Variants in MATR3 observed in about 807,000 individuals in gnomAD.
The protein encoded by MATR3 is matrin 3.
In MATR3, 4 loss-of-function variants were observed where a neutral mutation model predicts 85.5. The observed-to-expected ratio is 0.05, with a 90% CI of 0.02 to 0.11. MATR3 has a LOEUF of 0.11. Ranked by LOEUF, MATR3 falls within the 10% of genes least tolerant of loss-of-function variation. The pLI is 1.00. For missense variants in MATR3, 685 were observed against 1,016.1 expected (o/e 0.67, Z 4.43); for synonymous variants, 336 against 343.1 (o/e 0.98, Z 0.23).
At chr5:139,291,919 C>T (rs1182453395), upstream of MATR3, 4 of 138,120 alleles carry the variant, frequency 2.9e-5, no homozygotes, top group African/African-American at 1.1e-4. Flanking sequence ...AGCTTTTTCA[C>T]TTTATTGAAT....
chr5:139,293,744 G>A lies in MATR3; in HGVS notation c.-239G>A, dbSNP rs1753972553. On this transcript the variant is annotated 5_prime_UTR_variant, in exon 1 of 15. Transcript: ENST00000394805. ...GCCGTTGCTGCGGGGGATTGTGGGA[G>A]TCTCCGCGTCCCGCTCGCTGGGAGA... 2 of 375,176 alleles carry A rather than the reference G, an allele frequency of 5.3e-6. No homozygotes were observed. Among genetic ancestry groups the A allele is most frequent in the South Asian group, 2.9e-4 (2 of 6,994 alleles). The allele number at this position is 375,176 out of a possible 1,614,324, so 23.2% of individuals were successfully genotyped here.
chr5:139,274,158 G>T (rs1300436232), exon 1 of MATR3: 2 of 426,750 alleles, frequency 4.7e-6, no homozygotes, highest in Non-Finnish European at 9.2e-6. Context: ...CCGAACACGT[G>T]CGCGTGAGTA....
At chr5:139,302,476 TGTA>T (rs200963020) in intron 1 of MATR3, among the ~76,000 whole-genome samples, 4,112 of 152,334 alleles carry the variant, frequency 0.027, 66 homozygotes, top group Non-Finnish European at 0.033. Flanking sequence ...AATGAAAACT[TGTA>T]GTACTTTTAA....
chr5:139,277,857 A>G (rs1272994570), intron 2 of MATR3, among the ~76,000 whole-genome samples: 1 of 151,702 alleles, frequency 6.6e-6, no homozygotes, highest in Non-Finnish European at 1.5e-5. Context: ...GAATGAGTAA[A>G]TCATGCTAGT....
rs756782987 is a variant in MATR3 at position 139,317,740 on chromosome 5, G to T, written c.1308+19G>T. 6.4e-7 allele frequency: 1 copy of T among 1,552,530 alleles called. No individual in the cohort carries two copies. The highest frequency in any genetic ancestry group is 1.1e-5 in the South Asian group (1 of 87,794). ...TAATGAGGTATGAATTGAAATATTG[G>T]TATTATTCATTTATTCATGCCACTA... On this transcript the variant is annotated intron_variant, in intron 7 of 14. Coordinates refer to ENST00000394805, the MANE Select transcript of MATR3 (RefSeq NM_018834.6).
chr5:139,318,982 A>G lies in MATR3; in HGVS notation c.1383A>G (p.Val461=), dbSNP rs1033614881. 4 of 1,614,106 alleles carry G rather than the reference A, an allele frequency of 2.5e-6. No individual in the cohort carries two copies. Among genetic ancestry groups the G allele is most frequent in the Non-Finnish European group, 1.7e-6 (2 of 1,179,904 alleles). ...ATTACACAACCACACCAGCGTTAGT[A>G]TTTGGCAAGCCAGTGAGAGTTCATT... ...VDYYTTTPAL[V]FGKPVRVHLS... Residue 461 remains valine, a synonymous_variant, in exon 8 of 15, where the codon GTA becomes GTG. Coordinates refer to ENST00000394805, the MANE Select transcript of MATR3 (RefSeq NM_018834.6).
chr5:139,311,872 A>G (rs1028908743), intron 2 of MATR3: 2 of 143,910 alleles, frequency 1.4e-5, no homozygotes, highest in African/African-American at 2.6e-5. Flanking sequence ...GGTTCAAGCA[A>G]TTCTCCTGCC....
Position 139,307,501 on chromosome 5 carries a change from T to TTGC in MATR3, c.94_96dup (p.Ala32dup), listed in dbSNP as rs771230747. On this transcript the variant is annotated inframe_insertion, in exon 2 of 15. Coordinates refer to ENST00000394805, the MANE Select transcript of MATR3 (RefSeq NM_018834.6). The surrounding 1 kb of genome is among the most constrained non-coding windows in gnomAD (Gnocchi z 4.4). ...CTGTCTGCGGCAGGAATAGGCCTTC[T>TTGC]TGCTGCTGCTACCCAGTCTTTAAGT... is the stretch of plus-strand genomic sequence containing the variant. The TTGC allele has an allele frequency of 1.9e-6, 3 of 1,614,144 alleles. No individual in the cohort carries two copies. The highest frequency in any genetic ancestry group is 4.5e-5 in the East Asian group (2 of 44,886).
chr5:139,328,429 A>G (rs1166426520), intron 14 of MATR3, among the ~76,000 whole-genome samples: 3 of 152,232 alleles, frequency 2.0e-5, no homozygotes, highest in Non-Finnish European at 2.9e-5. Context: ...TGTCTTTTGT[A>G]CTTTCATTAG....
At chr5:139,296,475 A>G (rs1193522196) in intron 1 of MATR3, among the ~76,000 whole-genome samples, 1 of 152,250 alleles carries the variant, frequency 6.6e-6, no homozygotes, top group Non-Finnish European at 1.5e-5. Context: ...CACGAGAAAT[A>G]ACATCAACTT....
At chr5:139,276,456 A>G in intron 2 of MATR3, 1 of 336,148 alleles carries the variant, frequency 3.0e-6, no homozygotes, top group Non-Finnish European at 5.9e-6. Flanking sequence ...AAAAATTGCC[A>G]AAAATAACTC....
At chr5:139,325,229 C>T (rs1755788171) in intron 12 of MATR3, 1 of 1,528,602 alleles carries the variant, frequency 6.5e-7, no homozygotes, top group Non-Finnish European at 8.8e-7. Flanking sequence ...CGTTTCCCTT[C>T]AAGTAAAGCA....
upstream of MATR3, chr5:139,292,203 C>A (rs902731205): frequency 6.6e-6 from 1 of 152,028 alleles, no homozygotes; most frequent in South Asian, 2.1e-4. Flanking sequence ...CTCAAGTGAT[C>A]CACCCGCCAA....
At chr5:139,301,952 T>G (rs1474419094) in intron 1 of MATR3, among the ~76,000 whole-genome samples, 1 of 152,218 alleles carries the variant, frequency 6.6e-6, no homozygotes, top group Non-Finnish European at 1.5e-5. Context: ...TTGTCATTCA[T>G]TAGCCTAAGG....
chr5:139,315,820 A>G lies in MATR3; in HGVS notation c.1016+82A>G, dbSNP rs1176061723. ...GTTTCACTTTCAACATTTCATAAAC[A>G]AAGTATTTTCAGAATTTCTTTACTG... On this transcript the variant is annotated intron_variant, in intron 4 of 14. Coordinates refer to ENST00000394805, the MANE Select transcript of MATR3 (RefSeq NM_018834.6). The G allele has an allele frequency of 8.4e-6, 10 of 1,187,614 alleles. No homozygotes were observed. The South Asian group carries it at 9.1e-5, about 11-fold the overall frequency. The allele number at this position is 1,187,614 out of a possible 1,614,324, so 73.6% of individuals were successfully genotyped here. A position where few individuals can be genotyped will look rare whatever the true frequency, so the allele number is the denominator to read the frequency against.
intron 2 of MATR3, chr5:139,312,598 A>G (rs1418944902): frequency 1.3e-5 from 2 of 152,188 alleles, no homozygotes; most frequent in African/African-American, 4.8e-5. Flanking sequence ...CCAACATTTT[A>G]AGGAAGGTAC....
intron 1 of MATR3, among the ~76,000 whole-genome samples, chr5:139,303,014 CAT>C: frequency 6.8e-6 from 1 of 147,614 alleles, no homozygotes; most frequent in Non-Finnish European, 1.5e-5. Context: ...AATAATCTTT[CAT>C]AGTTTTATGG....
intron 3 of MATR3, chr5:139,282,610 A>G (rs1561919872): frequency 6.6e-6 from 1 of 152,248 alleles, no homozygotes; most frequent in Non-Finnish European, 1.5e-5. Flanking sequence ...TTCCCCTAAT[A>G]ACATCTTACA....
chr5:139,302,412 T>C (rs902358822), intron 1 of MATR3, among the ~76,000 whole-genome samples: 2 of 152,166 alleles, frequency 1.3e-5, no homozygotes, highest in Non-Finnish European at 2.9e-5. Context: ...AAAAAAACCC[T>C]TAAATGAAAT....
Sources: allele counts gnomAD v4.1 joint callset (sites outside exome capture counted in the v4.1 genomes callset), GRCh38; gene constraint gnomAD v4.1.1; non-coding constraint Gnocchi (gnomAD v3.1); transcripts MANE v1.5; gene names NCBI Gene and HGNC (gene_info 2026-07-23, HGNC 2026-07-21).